The following SAAL1 variants were observed in gnomAD, a reference collection of about 807,000 sequenced individuals.
The protein encoded by SAAL1 is serum amyloid A like 1.
SAAL1 carries 42 observed loss-of-function variants against 59.8 expected under a neutral mutation model. That is an observed-to-expected ratio of 0.70 (90% CI 0.55 to 0.91). The LOEUF (loss-of-function observed/expected upper bound fraction) is 0.91, where lower values mean the gene tolerates loss of function less well. SAAL1 is among the 40% of genes least tolerant of loss of function. The probability of loss-of-function intolerance (pLI) is 0.00; values close to 1 mark genes in which losing one functional copy is unlikely to be tolerated. For synonymous variants in SAAL1, 191 were observed against 194.3 expected (o/e 0.98, Z 0.14); for missense variants, 542 against 561.1 (o/e 0.97, Z 0.34).
chr11:18,099,930 T>C (rs1401863194), intron 2 of SAAL1, among the ~76,000 whole-genome samples: 2 of 152,126 alleles, frequency 1.3e-5, no homozygotes, highest in Admixed American at 6.5e-5. Flanking sequence ...GGGACCTCAA[T>C]TGTCAGTGGA....
Position 18,089,375 on chromosome 11 carries a change from A to G in SAAL1, c.725T>C (p.Val242Ala), listed in dbSNP as rs201119990. 105 of 1,595,884 alleles carry G rather than the reference A, an allele frequency of 6.6e-5. 1 individual carries two copies. In the East Asian group the frequency reaches 2.4e-3, roughly 36 times the overall value. Residue 242 changes from valine to alanine, a missense_variant, in exon 7 of 12, where the codon GTG (valine) becomes GCG (alanine). Val to Ala is a moderately conservative substitution (Grantham distance 64). Coordinates refer to ENST00000524803, the MANE Select transcript of SAAL1 (RefSeq NM_138421.3). ...QPQEESEEQP[V>A]FRLVPCILEA... Reference sequence around the variant, plus strand: ...AAGTATACAGGGCACAAGCCGAAACACTGGCTGCTCTTCAGACTCTTCCTG... The same window carrying G: ...AAGTATACAGGGCACAAGCCGAAACGCTGGCTGCTCTTCAGACTCTTCCTG...
At chr11:18,095,927 C>T (rs1275175872) in intron 3 of SAAL1, among the ~76,000 whole-genome samples, 3 of 152,088 alleles carry the variant, frequency 2.0e-5, no homozygotes, top group Non-Finnish European at 4.4e-5. Flanking sequence ...AAGGGAGGCA[C>T]GGAGACAGCA....
rs768922456 is a variant in SAAL1 at position 18,087,180 on chromosome 11, T to A, written c.816A>T (p.Gln272His). The part of the protein sequence containing the change: ...EWLDVYMHIL[Q>H]LLTTVDDGIQ... ...TTCCATCATCCACTGTAGTAAGCAGTTGTAAAATGTGCATGTAAACATCAA... is the reference window on the plus strand; with the variant it reads ...TTCCATCATCCACTGTAGTAAGCAGATGTAAAATGTGCATGTAAACATCAA... The change falls in exon 8 of 12, where the codon CAA (glutamine) becomes CAT (histidine). Residue 272 changes from glutamine to histidine, a missense_variant. Transcript: ENST00000524803. The A allele has an allele frequency of 6.2e-7, 1 of 1,613,612 alleles. No individual in the cohort carries two copies. The highest frequency in any genetic ancestry group is 8.5e-7 in the Non-Finnish European group (1 of 1,179,550).
chr11:18,082,748 T>C (rs986528218), intron 10 of SAAL1, among the ~76,000 whole-genome samples: 3 of 152,058 alleles, frequency 2.0e-5, no homozygotes, highest in Non-Finnish European at 4.4e-5. Context: ...CCTTCCATCT[T>C]TGCCTCCCAA....
chr11:18,089,728 A>G (rs758358366), intron 6 of SAAL1, among the ~76,000 whole-genome samples: 3 of 152,172 alleles, frequency 2.0e-5, no homozygotes, highest in Non-Finnish European at 2.9e-5. Context: ...GAAATTTTGT[A>G]TCTTCAATCA....
At position 18,081,461 on chromosome 11, in the gene SAAL1, G is replaced by C. The variant is rs761687760; in HGVS notation, c.1282C>G (p.Gln428Glu). The change falls in exon 11 of 12, where the codon CAG (glutamine) becomes GAG (glutamate). Residue 428 changes from glutamine to glutamate, a missense_variant. By Grantham distance (29) the Gln-to-Glu change is conservative. Coordinates refer to ENST00000524803, the MANE Select transcript of SAAL1 (RefSeq NM_138421.3). ...TTTTGAAATGCAGAGGAACACTTCT[G>C]TTTGCTCAACTGGCCTTCCTTTACT... ...QGVKEGQLSK[Q>E]KCSSAFQNLL... The C allele has an allele frequency of 6.2e-7, 1 of 1,614,052 alleles. No homozygotes were observed. The highest frequency in any genetic ancestry group is 8.5e-7 in the Non-Finnish European group (1 of 1,179,976).
At chr11:18,080,593 A>C in intron 11 of SAAL1, 102 bp from the exon 12 acceptor site, 1 of 661,128 alleles carries the variant, frequency 1.5e-6, no homozygotes, top group South Asian at 2.0e-5. Context: ...CCAATGGAAA[A>C]GAAATGCTGG....
intron 3 of SAAL1, among the ~76,000 whole-genome samples, chr11:18,095,411 G>T (rs1045372331): frequency 1.3e-5 from 2 of 152,106 alleles, no homozygotes; most frequent in African/African-American, 4.8e-5. Flanking sequence ...AATTCAGAGA[G>T]AACATTCTAC....
At chr11:18,080,714 C>G (rs769338906) in intron 11 of SAAL1, among the ~76,000 whole-genome samples, 1 of 152,160 alleles carries the variant, frequency 6.6e-6, no homozygotes, top group Non-Finnish European at 1.5e-5. Flanking sequence ...TACTTCTCCC[C>G]CCGCCTCTTC....
rs775994103 is a variant in SAAL1 at position 18,106,052 on chromosome 11, C to A, written c.-11G>T. The A allele has an allele frequency of 7.5e-6, 12 of 1,595,822 alleles. No homozygotes were observed. The highest frequency in any genetic ancestry group is 3.4e-5 in the Admixed American group (2 of 58,648). ...GGGGTTGCGGTCCATGACTTTGTCG[C>A]GTCCCGCGCTTGAAGGCCGTGCCGG... On this transcript the variant is annotated 5_prime_UTR_variant, in exon 1 of 12. Coordinates refer to ENST00000524803, the MANE Select transcript of SAAL1 (RefSeq NM_138421.3).
Position 18,092,240 on chromosome 11 carries a change from C to A in SAAL1, c.413+5G>T. ...TAAAAAACATAATTATATAGTAAGA[C>A]TTACCCAAGATTTTTATCACTGCTG... On this transcript the variant is annotated splice_donor_5th_base_variant and intron_variant, in intron 4 of 11. Coordinates refer to ENST00000524803, the MANE Select transcript of SAAL1 (RefSeq NM_138421.3). The A allele has an allele frequency of 6.7e-7, 1 of 1,501,372 alleles. No individual in the cohort carries two copies. The highest frequency in any genetic ancestry group is 9.2e-7 in the Non-Finnish European group (1 of 1,082,214). The allele number at this position is 1,501,372 out of a possible 1,614,324, so 93.0% of individuals were successfully genotyped here. A position where few individuals can be genotyped will look rare whatever the true frequency, so the allele number is the denominator to read the frequency against.
At chr11:18,103,449 G>T in intron 1 of SAAL1, 103 bp from the exon 2 acceptor site, 2 of 893,722 alleles carry the variant, frequency 2.2e-6, no homozygotes, top group East Asian at 4.9e-5. Context: ...TCGTAACGCT[G>T]ATGAGAAAAA....
chr11:18,105,623 C>T (rs1029722162), intron 1 of SAAL1, among the ~76,000 whole-genome samples: 1 of 152,174 alleles, frequency 6.6e-6, no homozygotes, highest in Non-Finnish European at 1.5e-5. Flanking sequence ...TGCAGTTACA[C>T]GATCATGTAT....
intron 4 of SAAL1, 121 bp downstream of exon 4, chr11:18,092,122 CAG>C (rs1482058506): frequency 1.7e-6 from 1 of 582,318 alleles, no homozygotes; most frequent in Non-Finnish European, 3.0e-6. Context: ...GAAGTTCCCA[CAG>C]AGTGTTCATC....
chr11:18,098,348 G>A (rs4756930), intron 2 of SAAL1, among the ~76,000 whole-genome samples: 63,073 of 151,972 alleles, frequency 0.42, 13,728 homozygotes, highest in African/African-American at 0.52. Context: ...CTAAAGGGGC[G>A]TAACACACAG....
chr11:18,084,786 T>A (rs1848445545), intron 9 of SAAL1, among the ~76,000 whole-genome samples: 2 of 151,982 alleles, frequency 1.3e-5, no homozygotes, highest in South Asian at 4.2e-4. Flanking sequence ...GGAGGGGGGG[T>A]GCGGAGTATT....
intron 6 of SAAL1, among the ~76,000 whole-genome samples, chr11:18,089,802 A>G (rs1848502494): frequency 6.6e-6 from 1 of 152,188 alleles, no homozygotes; most frequent in Non-Finnish European, 1.5e-5. Context: ...TACTCCCAAC[A>G]CTTTTGGGAG....
intron 3 of SAAL1, among the ~76,000 whole-genome samples, chr11:18,096,284 T>C (rs1190930746): frequency 6.6e-6 from 1 of 151,564 alleles, no homozygotes; most frequent in African/African-American, 2.4e-5. Flanking sequence ...ATTAATAATT[T>C]AATATTTTAA....
At chr11:18,104,092 T>C (rs938652932) in intron 1 of SAAL1, among the ~76,000 whole-genome samples, 1 of 152,254 alleles carries the variant, frequency 6.6e-6, no homozygotes, top group Non-Finnish European at 1.5e-5. Context: ...GGTCCTCATT[T>C]AGAAGTTTGG....
Sources: gnomAD v4.1 joint callset for allele counts (sites outside exome capture counted in the v4.1 genomes callset) on GRCh38, gnomAD v4.1.1 for gene constraint, MANE v1.5 for transcripts, NCBI Gene and HGNC (gene_info 2026-07-23, HGNC 2026-07-21) for gene names.